The following WASF1 variants were observed in gnomAD, a reference collection of about 807,000 sequenced individuals.
The protein encoded by WASF1 is actin-binding protein WASF1.
Under a neutral mutation model 50.5 loss-of-function variants are expected in WASF1, and 7 were observed. That is an observed-to-expected ratio of 0.14 (90% CI 0.08 to 0.26). The LOEUF (loss-of-function observed/expected upper bound fraction) is 0.26. Among genes scored for constraint, WASF1 ranks in the 10% least tolerant of loss-of-function variants. The probability of loss-of-function intolerance (pLI) is 1.00; values close to 1 mark genes in which losing one functional copy is unlikely to be tolerated. For missense variants in WASF1, 470 were observed against 694.7 expected (o/e 0.68, Z 3.64); for synonymous variants, 205 against 244.0 (o/e 0.84, Z 1.49).
intron 3 of WASF1, among the ~76,000 whole-genome samples, chr6:110,138,878 C>A (rs2114546225): frequency 6.6e-6 from 1 of 152,328 alleles, no homozygotes; most frequent in East Asian, 1.9e-4. Flanking sequence ...GGCTACAGGC[C>A]TTCCCTGGCT....
chr6:110,140,439 A>G (rs1775175873), intron 3 of WASF1, among the ~76,000 whole-genome samples: 2 of 152,050 alleles, frequency 1.3e-5, no homozygotes, highest in African/African-American at 4.8e-5. Flanking sequence ...CCAAAGGGGG[A>G]GTCATAGGAA....
chr6:110,130,852 A>G (rs1774633977), intron 3 of WASF1, among the ~76,000 whole-genome samples: 1 of 152,180 alleles, frequency 6.6e-6, no homozygotes, highest in Non-Finnish European at 1.5e-5. Flanking sequence ...TCCCCATAAC[A>G]CTTGACACTG....
intron 2 of WASF1, among the ~76,000 whole-genome samples, chr6:110,164,721 C>A (rs574142423): frequency 6.6e-6 from 1 of 151,568 alleles, no homozygotes; most frequent in Non-Finnish European, 1.5e-5. Context: ...GAGGTGAAAA[C>A]TTACACCCAT....
At chr6:110,141,940 T>G (rs1775260595) in intron 3 of WASF1, among the ~76,000 whole-genome samples, 1 of 151,968 alleles carries the variant, frequency 6.6e-6, no homozygotes, top group Non-Finnish European at 1.5e-5. Flanking sequence ...CTCAGCTAAT[T>G]TTTGTATTTT....
intron 3 of WASF1, among the ~76,000 whole-genome samples, chr6:110,129,782 A>G (rs947736124): frequency 6.6e-6 from 1 of 152,242 alleles, no homozygotes; most frequent in Non-Finnish European, 1.5e-5. Context: ...ATCTTCAATG[A>G]CATTGTGCTA....
chr6:110,155,327 T>C (rs1198499907), intron 3 of WASF1, among the ~76,000 whole-genome samples: 1 of 151,976 alleles, frequency 6.6e-6, no homozygotes, highest in African/African-American at 2.4e-5. Context: ...GTAGATTTGG[T>C]TAAACTATTT....
intron 4 of WASF1, among the ~76,000 whole-genome samples, chr6:110,117,963 T>C (rs1431343269): frequency 6.6e-6 from 1 of 152,060 alleles, no homozygotes; most frequent in Non-Finnish European, 1.5e-5. Flanking sequence ...AAGCAAATGC[T>C]GAGAGATTTT....
At chr6:110,117,105 C>T (rs1017952518) in intron 4 of WASF1, among the ~76,000 whole-genome samples, 10 of 151,984 alleles carry the variant, frequency 6.6e-5, no homozygotes, top group African/African-American at 1.7e-4. Context: ...CGCCTCTTCT[C>T]GTCCAAAGGA....
intron 1 of WASF1, among the ~76,000 whole-genome samples, chr6:110,179,151 A>G (rs1273654927): frequency 6.6e-6 from 1 of 152,124 alleles, no homozygotes; most frequent in Non-Finnish European, 1.5e-5. Flanking sequence ...ACCTCAGGTG[A>G]CACCCACAGT....
intron 2 of WASF1, among the ~76,000 whole-genome samples, chr6:110,168,791 GA>G (rs1446989793): frequency 6.6e-6 from 1 of 151,980 alleles, no homozygotes; most frequent in African/African-American, 2.4e-5. Context: ...CTCCATCTCC[GA>G]AGTGTCTCTT....
chr6:110,135,691 A>T (rs1246812315), intron 3 of WASF1, among the ~76,000 whole-genome samples: 1 of 149,318 alleles, frequency 6.7e-6, no homozygotes, highest in Non-Finnish European at 1.5e-5. Context: ...TAAGATTTCT[A>T]ATCAGCTGAC....
intron 3 of WASF1, among the ~76,000 whole-genome samples, chr6:110,140,913 C>G (rs1775200056): frequency 6.6e-6 from 1 of 152,040 alleles, no homozygotes; most frequent in Admixed American, 6.6e-5. Flanking sequence ...ATGTCAATGA[C>G]CAATGAGAAG....
chr6:110,102,050 G>C lies in WASF1; in HGVS notation c.1060C>G (p.Pro354Ala). 6.6e-7 allele frequency: 1 copy of C among 1,523,642 alleles called. No individual in the cohort carries two copies. The highest frequency in any genetic ancestry group is 8.8e-7 in the Non-Finnish European group (1 of 1,137,428). 94.4% of individuals were successfully genotyped at this position (1,523,642 alleles called of 1,614,324 possible). A position where few individuals can be genotyped will look rare whatever the true frequency, so the allele number is the denominator to read the frequency against. ...GCAGTGGCTGGAGGTGGAGGTGGGG[G>C]AGGTACTGGAGGGGGAGGAGTTGAA... ...MTSTPPPPVP[P>A]PPPPPATALQ... The change falls in exon 10 of 11, where the codon CCC becomes GCC. Residue 354 changes from proline (P) to alanine (A), a missense_variant. Physicochemically the swap from Pro to Ala is conservative, Grantham distance 27. This residue lies in a region of WASF1 where 294 missense variants were observed against 343.5 expected (regional missense o/e 0.86). Coordinates refer to ENST00000392589, the MANE Select transcript of WASF1 (RefSeq NM_003931.3).
intron 3 of WASF1, among the ~76,000 whole-genome samples, chr6:110,134,963 G>A (rs901644775): frequency 3.3e-5 from 5 of 152,036 alleles, no homozygotes; most frequent in African/African-American, 1.2e-4. Flanking sequence ...TGGCAGTATG[G>A]TCATTTTCAC....
intron 3 of WASF1, among the ~76,000 whole-genome samples, chr6:110,144,121 C>T (rs188290843): frequency 8.1e-4 from 124 of 152,274 alleles, no homozygotes; most frequent in African/African-American, 2.9e-3. Context: ...CTCTCCAGCA[C>T]CTGTTGTTTC....
chr6:110,149,049 T>TA (rs1383075930), intron 3 of WASF1, among the ~76,000 whole-genome samples: 1 of 152,168 alleles, frequency 6.6e-6, no homozygotes, highest in African/African-American at 2.4e-5. Flanking sequence ...GGAAAAGACT[T>TA]ATGACTAACT....
At position 110,140,285 on chromosome 6, in the gene WASF1, A is replaced by C. The variant is rs534422611; in HGVS notation, c.-28-12656T>G. 3.9e-5 allele frequency among the ~76,000 whole-genome samples: 6 copies of C among 152,306 alleles called. No individual in the cohort carries two copies. In the South Asian group the frequency reaches 1.2e-3, roughly 32 times the overall value. On this transcript the variant is annotated intron_variant, in intron 3 of 10. Coordinates refer to ENST00000392589, the MANE Select transcript of WASF1 (RefSeq NM_003931.3). ...TTCCTGGAAAGTGGTATGTCCTGGAAAGGCATGGATGCTCTATGCCCCTTC... is the reference window on the plus strand; with the variant it reads ...TTCCTGGAAAGTGGTATGTCCTGGACAGGCATGGATGCTCTATGCCCCTTC...
At chr6:110,145,718 CAT>C (rs1379951382) in intron 3 of WASF1, among the ~76,000 whole-genome samples, 7 of 152,056 alleles carry the variant, frequency 4.6e-5, no homozygotes, top group African/African-American at 1.7e-4. Context: ...TTGAGATAAT[CAT>C]GTGGTTTTTG....
intron 4 of WASF1, among the ~76,000 whole-genome samples, chr6:110,123,197 T>C (rs1039469738): frequency 3.3e-5 from 5 of 152,182 alleles, no homozygotes; most frequent in Non-Finnish European, 7.4e-5. Flanking sequence ...AGCATTTATA[T>C]TAGCTAGAAA....
Sources: allele counts gnomAD v4.1 joint callset (sites outside exome capture counted in the v4.1 genomes callset), GRCh38; gene constraint gnomAD v4.1.1; regional missense constraint gnomAD v4.1.1; transcripts MANE v1.5; gene names NCBI Gene and HGNC (gene_info 2026-07-23, HGNC 2026-07-21).